Variants in NPAS3 observed in about 807,000 individuals in gnomAD.
The protein encoded by NPAS3 is neuronal PAS domain-containing protein 3.
NPAS3 carries 14 observed loss-of-function variants against 73.1 expected under a neutral mutation model. The ratio of observed to expected loss-of-function variants is 0.19; its 90% CI spans 0.13 to 0.30. The LOEUF (loss-of-function observed/expected upper bound fraction) is 0.30. NPAS3 is among the 10% of genes least tolerant of loss of function. NPAS3 has a pLI of 1.00. For synonymous variants in NPAS3, 620 were observed against 541.5 expected (o/e 1.14, Z -2.01); for missense variants, 1,096 against 1,250.0 (o/e 0.88, Z 1.86).
At chr14:33,168,990 A>C (rs1207732837) in intron 2 of NPAS3, among the ~76,000 whole-genome samples, 1 of 152,214 alleles carries the variant, frequency 6.6e-6, no homozygotes, top group East Asian at 1.9e-4. Flanking sequence ...TGCTTTCAGA[A>C]AAGTGAAGTA....
At chr14:33,460,109 G>C (rs932260353) in intron 4 of NPAS3, among the ~76,000 whole-genome samples, 3 of 152,180 alleles carry the variant, frequency 2.0e-5, no homozygotes, top group Non-Finnish European at 4.4e-5. Flanking sequence ...ACTATTACAA[G>C]AGTACTCGTA....
intron 5 of NPAS3, among the ~76,000 whole-genome samples, chr14:33,659,277 ACAG>A (rs1215091957): frequency 2.6e-5 from 4 of 152,200 alleles, no homozygotes; most frequent in Non-Finnish European, 5.9e-5. Context: ...TTACTTTATA[ACAG>A]AGGAAACGCC....
intron 4 of NPAS3, among the ~76,000 whole-genome samples, chr14:33,441,259 AG>A (rs1195471702): frequency 6.6e-6 from 1 of 152,272 alleles, no homozygotes; most frequent in African/African-American, 2.4e-5. Context: ...TATGCAAATT[AG>A]TATTATTAAT....
chr14:33,224,791 A>C (rs2139733203), intron 3 of NPAS3, among the ~76,000 whole-genome samples: 1 of 152,246 alleles, frequency 6.6e-6, no homozygotes, highest in Non-Finnish European at 1.5e-5. Context: ...TTATCATGTT[A>C]TGATTCTATG....
At chr14:33,263,597 A>ATT (rs2049056860) in intron 3 of NPAS3, among the ~76,000 whole-genome samples, 1 of 152,166 alleles carries the variant, frequency 6.6e-6, no homozygotes, top group Admixed American at 6.5e-5. Context: ...TGACTTGGCA[A>ATT]TGCAGGCTCT....
intron 4 of NPAS3, among the ~76,000 whole-genome samples, chr14:33,474,399 A>T (rs2050923935): frequency 6.6e-6 from 1 of 152,322 alleles, no homozygotes; most frequent in African/African-American, 2.4e-5. Flanking sequence ...AATCAAGGAA[A>T]CTGCCTATAC....
chr14:33,711,365 G>A (rs2060813734), intron 6 of NPAS3, among the ~76,000 whole-genome samples: 1 of 152,160 alleles, frequency 6.6e-6, no homozygotes. Flanking sequence ...CGTCCCAGGG[G>A]AGATGGCTGA....
chr14:33,036,411 T>C (rs901129763), intron 1 of NPAS3, among the ~76,000 whole-genome samples: 5 of 152,134 alleles, frequency 3.3e-5, no homozygotes, highest in Non-Finnish European at 7.4e-5. Flanking sequence ...TTTGGAGCCC[T>C]GTAGGGTTGC....
At chr14:33,755,549 A>G (rs924693264) in intron 7 of NPAS3, among the ~76,000 whole-genome samples, 6 of 152,184 alleles carry the variant, frequency 3.9e-5, no homozygotes, top group African/African-American at 1.4e-4. Flanking sequence ...AGTGGCTATG[A>G]ATCATGGCTG....
chr14:33,354,146 A>T (rs985308154), intron 3 of NPAS3, among the ~76,000 whole-genome samples: 1 of 152,154 alleles, frequency 6.6e-6, no homozygotes, highest in Non-Finnish European at 1.5e-5. Flanking sequence ...GCTGCTTCTC[A>T]GGGTATAGAC....
At chr14:33,080,386 G>A (rs192169692) in intron 2 of NPAS3, among the ~76,000 whole-genome samples, 107 of 152,286 alleles carry the variant, frequency 7.0e-4, no homozygotes, top group African/African-American at 2.4e-3. Context: ...GATTACAGGC[G>A]TGAGCCACCG....
chr14:33,414,606 T>G (rs527363391), intron 4 of NPAS3, among the ~76,000 whole-genome samples: 1 of 152,172 alleles, frequency 6.6e-6, no homozygotes, highest in Non-Finnish European at 1.5e-5. Flanking sequence ...TTTCCAAGCC[T>G]GTAATCTGTT....
chr14:33,797,380 A>G lies in NPAS3; in HGVS notation c.1302-77A>G, dbSNP rs572805917. 2.0e-6 allele frequency: 3 copies of G among 1,495,900 alleles called. No individual in the cohort carries two copies. In the South Asian group the frequency reaches 3.6e-5, roughly 18 times the overall value. The allele number at this position is 1,495,900 out of a possible 1,614,324, so 92.7% of individuals were successfully genotyped here. ...TAAACTCCAGAAGTCTGGGACAAAG[A>G]AGTGGGGGAGAAGATGGTCCAAACA... On this transcript the variant is annotated intron_variant, in intron 10 of 11. Transcript: ENST00000356141.
chr14:33,269,822 TG>T (rs1460417970), intron 3 of NPAS3, among the ~76,000 whole-genome samples: 5 of 145,960 alleles, frequency 3.4e-5, no homozygotes, highest in African/African-American at 5.1e-5. Flanking sequence ...GAGGGGGGTA[TG>T]GGGAGGGAGG....
At chr14:33,803,606 CTTTTA>C (rs2063764399), downstream of NPAS3, 1 of 149,172 alleles carries the variant, frequency 6.7e-6, no homozygotes, top group Non-Finnish European at 1.5e-5. Flanking sequence ...TGTTTTTTTT[CTTTTA>C]TAAATGTTTC....
intron 4 of NPAS3, among the ~76,000 whole-genome samples, chr14:33,508,419 G>A (rs2052880188): frequency 6.6e-6 from 1 of 152,062 alleles, no homozygotes; most frequent in South Asian, 2.1e-4. Context: ...TAAGTACGAA[G>A]ATGTAAGTTT....
chr14:33,801,907 C>A (rs2063723937), downstream of NPAS3: 1 of 152,040 alleles, frequency 6.6e-6, no homozygotes, highest in Non-Finnish European at 1.5e-5. Context: ...TCCGTTGCTG[C>A]AGTCTCCTTG....
intron 1 of NPAS3, among the ~76,000 whole-genome samples, chr14:32,945,179 C>G (rs564634761): frequency 9.2e-5 from 14 of 151,974 alleles, no homozygotes; most frequent in Non-Finnish European, 1.8e-4. Flanking sequence ...CTTCTGTTAG[C>G]TTAGTGTTCT....
intron 3 of NPAS3, among the ~76,000 whole-genome samples, chr14:33,282,481 C>CT (rs2041668618): frequency 1.3e-5 from 2 of 152,122 alleles, no homozygotes; most frequent in Non-Finnish European, 2.9e-5. Context: ...CTGATTGCAG[C>CT]CCTTCTGGGA....
Sources: allele counts gnomAD v4.1 joint callset (sites outside exome capture counted in the v4.1 genomes callset), GRCh38; gene constraint gnomAD v4.1.1; transcripts MANE v1.5; gene names NCBI Gene and HGNC (gene_info 2026-07-23, HGNC 2026-07-21).